The following ENKUR variants were observed in gnomAD, a reference collection of about 807,000 sequenced individuals.
The protein encoded by ENKUR is enkurin.
In ENKUR, 19 loss-of-function variants were observed where a neutral mutation model predicts 27.6. The ratio of observed to expected loss-of-function variants is 0.69; its 90% CI spans 0.48 to 1.01. The LOEUF (loss-of-function observed/expected upper bound fraction) is 1.01, where lower values mean the gene tolerates loss of function less well. Among genes scored for constraint, ENKUR ranks in the 50% least tolerant of loss-of-function variants. ENKUR has a pLI of 0.00. For synonymous variants in ENKUR, 117 were observed against 96.9 expected (o/e 1.21, Z -1.22); for missense variants, 312 against 310.5 (o/e 1.00, Z -0.04).
At chr10:25,061,511 A>T in intron 1 of ENKUR, 1 of 209,836 alleles carries the variant, frequency 4.8e-6, no homozygotes, top group Non-Finnish European at 9.4e-6. Context: ...AAAAAAAGGA[A>T]AAAACTTTGG....
At chr10:24,994,243 C>T (rs1849991910) in intron 3 of ENKUR, among the ~76,000 whole-genome samples, 1 of 150,322 alleles carries the variant, frequency 6.7e-6, no homozygotes, top group Non-Finnish European at 1.5e-5. Context: ...TTTTCTTTAT[C>T]TCTCTCTTCC....
chr10:24,988,338 A>C (rs972874687), intron 4 of ENKUR, among the ~76,000 whole-genome samples: 1 of 143,824 alleles, frequency 7.0e-6, no homozygotes, highest in Non-Finnish European at 1.5e-5. Flanking sequence ...ATATATGTGT[A>C]TATATATATT....
intron 1 of ENKUR, among the ~76,000 whole-genome samples, chr10:25,003,375 T>G (rs1195603314): frequency 1.3e-5 from 2 of 152,044 alleles, no homozygotes; most frequent in Non-Finnish European, 2.9e-5. Context: ...CCTGGCTAAT[T>G]TTTGTATTTT....
chr10:24,995,838 CT>C lies in ENKUR; in HGVS notation c.254del (p.Lys85SerfsTer6), dbSNP rs1850040191. The C allele has an allele frequency of 3.7e-6, 6 of 1,611,078 alleles. No individual in the cohort carries two copies. Among genetic ancestry groups the C allele is most frequent in the South Asian group, 1.1e-5 (1 of 89,684 alleles). Reference sequence around the variant, plus strand: ...GATCAGTCTTCAATGGCACAGCAGGCTTTTTGGGCACGTTCCGATCAAAGTT... The same window carrying C: ...GATCAGTCTTCAATGGCACAGCAGGCTTTTGGGCACGTTCCGATCAAAGTT... ...KKNFDRNVPKKPAVPLKTDHP... is the reference protein window; with the variant it reads ...KKNFDRNVPKXPAVPLKTDHP... On this transcript the variant is annotated frameshift_variant, in exon 3 of 6. Coordinates refer to ENST00000331161, the MANE Select transcript of ENKUR (RefSeq NM_145010.4). LOFTEE classifies it high-confidence loss of function.
At position 25,059,489 on chromosome 10, in the gene ENKUR, A is replaced by T. The variant is rs1851302495; in HGVS notation, c.37+1623T>A. 2.0e-5 allele frequency among the ~76,000 whole-genome samples: 3 copies of T among 152,134 alleles called. No individual in the cohort carries two copies. The South Asian group carries it at 6.2e-4, about 32-fold the overall frequency. ...ATGTATGGAGATCTGTATATAACAT[A>T]AAAAAATTCATATGGTAAAGTAACA... On this transcript the variant is annotated intron_variant, in intron 2 of 5. Transcript: ENST00000615958.
At chr10:25,006,623 G>T (rs528635782) in intron 1 of ENKUR, among the ~76,000 whole-genome samples, 34 of 152,164 alleles carry the variant, frequency 2.2e-4, no homozygotes, top group Non-Finnish European at 4.0e-4. Flanking sequence ...TTTCCCATTT[G>T]CTTTGATAGC....
At chr10:24,992,045 C>T (rs567820450) in intron 3 of ENKUR, among the ~76,000 whole-genome samples, 8 of 152,310 alleles carry the variant, frequency 5.3e-5, no homozygotes, top group South Asian at 2.1e-4. Context: ...CATGTCACAA[C>T]GACTGACAGT....
intron 3 of ENKUR, among the ~76,000 whole-genome samples, 163 bp downstream of exon 3, chr10:24,995,483 C>T (rs1850025936): frequency 1.3e-5 from 2 of 152,120 alleles, no homozygotes; most frequent in South Asian, 4.1e-4. Context: ...TAACTTCATC[C>T]CATTACATTT....
chr10:25,034,207 T>C (rs1473727937), intron 2 of ENKUR, among the ~76,000 whole-genome samples: 2 of 152,198 alleles, frequency 1.3e-5, no homozygotes, highest in African/African-American at 4.8e-5. Context: ...GTAAAATTTA[T>C]AATAAACTTA....
At chr10:25,015,094 A>G (rs1358075589) in intron 1 of ENKUR, among the ~76,000 whole-genome samples, 1 of 152,224 alleles carries the variant, frequency 6.6e-6, no homozygotes, top group Non-Finnish European at 1.5e-5. Flanking sequence ...CCTAGGAGAA[A>G]TGAGATTTTC....
rs142760402 is a variant in ENKUR, at chr10:25,016,150, G to T, written c.-214C>A. On this transcript the variant is annotated 5_prime_UTR_variant, in exon 1 of 6. Transcript: ENST00000331161. Reference sequence around the variant, plus strand: ...ATTTCTCTCCGGATTGCTAAGCGTCGTTGACTGTGCGGTTGCCGTGGAAAC... The same window carrying T: ...ATTTCTCTCCGGATTGCTAAGCGTCTTTGACTGTGCGGTTGCCGTGGAAAC... The T allele has an allele frequency of 7.4e-6, 9 of 1,218,254 alleles. No homozygotes were observed. The South Asian group carries it at 2.4e-4, about 33-fold the overall frequency. 75.5% of individuals were successfully genotyped at this position (1,218,254 alleles called of 1,614,324 possible). A position where few individuals can be genotyped will look rare whatever the true frequency, so the allele number is the denominator to read the frequency against.
intron 2 of ENKUR, chr10:25,061,089 G>A: frequency 6.5e-7 from 1 of 1,535,666 alleles, no homozygotes; most frequent in Non-Finnish European, 8.7e-7. Context: ...CAAAACCTGT[G>A]AACACAAGAA....
intron 2 of ENKUR, chr10:25,021,713 T>C (rs1002797090): frequency 1.3e-5 from 2 of 152,206 alleles, no homozygotes; most frequent in African/African-American, 4.8e-5. Flanking sequence ...TATACAGTTA[T>C]GATTAACTTA....
At chr10:25,054,037 CATATATTAATT>C (rs1266417660) in intron 2 of ENKUR, among the ~76,000 whole-genome samples, 6 of 152,194 alleles carry the variant, frequency 3.9e-5, no homozygotes, top group African/African-American at 1.4e-4. Context: ...CCAAGCCACA[CATATATTAATT>C]TCTGAATATA....
rs192835607 is a variant in ENKUR at position 24,991,612 on chromosome 10, G to C, written c.448-1003C>G. Among the ~76,000 whole-genome samples, 551 of 152,260 alleles carry C rather than the reference G, an allele frequency of 3.6e-3. 5 individuals are homozygous for C. The highest frequency in any genetic ancestry group is 0.012 in the African/African-American group (509 of 41,554). ...GGAGGAGAGCCCGGGCCACAGAGCT[G>C]CCCGGCTCCAGGGAAAAACCATCTC... On this transcript the variant is annotated intron_variant, in intron 3 of 5. Coordinates refer to ENST00000331161, the MANE Select transcript of ENKUR (RefSeq NM_145010.4).
intron 2 of ENKUR, among the ~76,000 whole-genome samples, chr10:25,051,546 A>G (rs1358944224): frequency 6.6e-6 from 1 of 152,166 alleles, no homozygotes; most frequent in Non-Finnish European, 1.5e-5. Context: ...GGCAGGAGCA[A>G]GGGACAGGAG....
At chr10:25,017,057 T>A (rs1850609275), upstream of ENKUR, among the ~76,000 whole-genome samples, 1 of 152,072 alleles carries the variant, frequency 6.6e-6, no homozygotes, top group African/African-American at 2.4e-5. Context: ...CCTTGGGCGG[T>A]CCTCCGGGTC....
At chr10:25,008,191 T>G (rs768032602) in intron 1 of ENKUR, among the ~76,000 whole-genome samples, 54 of 152,112 alleles carry the variant, frequency 3.6e-4, no homozygotes, top group Non-Finnish European at 6.8e-4. Flanking sequence ...CTCATAATAC[T>G]AAGAGACCAT....
intron 2 of ENKUR, among the ~76,000 whole-genome samples, chr10:25,040,732 T>G (rs1213449751): frequency 1.3e-5 from 2 of 152,172 alleles, no homozygotes; most frequent in South Asian, 4.1e-4. Context: ...TGGTCACGAT[T>G]TGAGAATTTT....
Sources: gnomAD v4.1 joint callset for allele counts (sites outside exome capture counted in the v4.1 genomes callset) on GRCh38, gnomAD v4.1.1 for gene constraint, MANE v1.5 for transcripts, NCBI Gene and HGNC (gene_info 2026-07-23, HGNC 2026-07-21) for gene names.